CDHR3: variants seen among roughly 807,000 people sequenced by gnomAD.
CDHR3 encodes the protein cadherin related family member 3, also known as cadherin-related family member 3.
A neutral mutation model predicts 86.6 loss-of-function variants in CDHR3; 79 were observed. The ratio of observed to expected loss-of-function variants is 0.91; its 90% CI spans 0.76 to 1.10. The LOEUF is 1.10. Ranked by LOEUF, CDHR3 falls within the 50% of genes least tolerant of loss-of-function variation. The pLI is 0.00. For synonymous variants in CDHR3, 421 were observed against 402.4 expected, an observed-to-expected ratio of 1.05 and a Z score of -0.55; for missense variants, 1,081 against 1,077.6, an observed-to-expected ratio of 1.00 and a Z score of -0.04.
intron 3 of CDHR3, among the ~76,000 whole-genome samples, chr7:105,981,556 A>G (rs1829736676): frequency 1.3e-5 from 2 of 152,170 alleles, no homozygotes; most frequent in Admixed American, 1.3e-4. Context: ...GGACCAGAGC[A>G]CACAGTAACT....
Position 106,035,955 on chromosome 7 carries a change from A to G in CDHR3, c.*3258A>G, listed in dbSNP as rs1203371293. 1 of 152,204 alleles carries G rather than the reference A, an allele frequency of 6.6e-6. No individual in the cohort carries two copies. Among genetic ancestry groups the G allele is most frequent in the Non-Finnish European group, 1.5e-5 (1 of 68,032 alleles). 9.4% of individuals were successfully genotyped at this position (152,204 alleles called of 1,614,324 possible). On this transcript the variant is annotated 3_prime_UTR_variant, in exon 19 of 19. Transcript: ENST00000317716. ...GACAGCAACCGTCGTGGATTTGGTG[A>G]AAGTTTTCTCCCATCTCCCTCTCAA... is the stretch of plus-strand genomic sequence containing the variant.
At chr7:106,008,486 C>CATAG (rs987498913) in intron 8 of CDHR3, among the ~76,000 whole-genome samples, 3 of 152,192 alleles carry the variant, frequency 2.0e-5, no homozygotes, top group African/African-American at 7.2e-5. Flanking sequence ...GCACCTTCTT[C>CATAG]ATAGTCCCTT....
rs1352332398 is a variant in CDHR3, at chr7:106,004,493, C to T, written c.863-5C>T. 3 of 1,612,926 alleles carry T rather than the reference C, an allele frequency of 1.9e-6. No individual in the cohort carries two copies. In the South Asian group the frequency reaches 3.3e-5, roughly 18 times the overall value. On this transcript the variant is annotated splice_polypyrimidine_tract_variant and splice_region_variant and intron_variant, in intron 7 of 18. Transcript: ENST00000317716. ...AGGGTCACGTTCTAACCTTTGCTTT[C>T]TCAGTGACTGGTACAATCCAAGTGG...
At chr7:105,997,962 C>T (rs1019128201) in intron 6 of CDHR3, among the ~76,000 whole-genome samples, 5 of 151,284 alleles carry the variant, frequency 3.3e-5, no homozygotes, top group East Asian at 1.9e-4. Context: ...TTAAGTCAGT[C>T]GACTTTATTT....
chr7:106,006,108 G>C (rs953534958), intron 8 of CDHR3, among the ~76,000 whole-genome samples: 1 of 152,178 alleles, frequency 6.6e-6, no homozygotes, highest in Non-Finnish European at 1.5e-5. Context: ...GATAGAGCTT[G>C]TGTAGGGAAA....
intron 18 of CDHR3, among the ~76,000 whole-genome samples, chr7:106,031,277 C>T (rs1368355118): frequency 6.6e-6 from 1 of 152,150 alleles, no homozygotes; most frequent in Non-Finnish European, 1.5e-5. Flanking sequence ...AGAGAAATGG[C>T]AAGTGTAGTT....
At position 106,035,796 on chromosome 7, in the gene CDHR3, C is replaced by G. The variant is rs117616331; in HGVS notation, c.*3099C>G. On this transcript the variant is annotated 3_prime_UTR_variant, in exon 19 of 19. Transcript: ENST00000317716. ...CATCTGATTGGTTGCAAAAAGCAACCAATCAGAGGCTAAGGTGAAGTTACA... is the reference window on the plus strand; with the variant it reads ...CATCTGATTGGTTGCAAAAAGCAACGAATCAGAGGCTAAGGTGAAGTTACA... The G allele has an allele frequency of 1.3e-5, 2 of 152,078 alleles. No homozygotes were observed. The highest frequency in any genetic ancestry group is 2.9e-5 in the Non-Finnish European group (2 of 68,024). 9.4% of individuals were successfully genotyped at this position (152,078 alleles called of 1,614,324 possible).
intron 6 of CDHR3, among the ~76,000 whole-genome samples, chr7:105,997,813 G>GAA (rs1157875824): frequency 1.3e-5 from 2 of 152,084 alleles, no homozygotes; most frequent in East Asian, 3.9e-4. Flanking sequence ...GAGAGAGAGA[G>GAA]AACATGACCC....
chr7:105,970,896 CT>C (rs1318950150), intron 1 of CDHR3, among the ~76,000 whole-genome samples: 1 of 152,054 alleles, frequency 6.6e-6, no homozygotes, highest in Non-Finnish European at 1.5e-5. Context: ...ATCCCCAGCA[CT>C]TTGGGAGGCC....
intron 7 of CDHR3, among the ~76,000 whole-genome samples, chr7:106,002,955 G>A (rs894333621): frequency 6.6e-6 from 1 of 151,770 alleles, no homozygotes; most frequent in East Asian, 1.9e-4. Flanking sequence ...GCAACGTAGT[G>A]AAACCCTGTC....
chr7:106,028,435 G>T lies in CDHR3; in HGVS notation c.2273-116G>T, dbSNP rs149521684. The T allele has an allele frequency of 0.012, 13,461 of 1,119,514 alleles. 113 individuals carry two copies. Among genetic ancestry groups the T allele is most frequent in the African/African-American group, 0.024 (1,571 of 65,196 alleles). The allele number at this position is 1,119,514 out of a possible 1,614,324, so 69.3% of individuals were successfully genotyped here. ...TCTATAGACAGAACAATTCTTTGCT[G>T]TGTCTGCAAGACTGAGATCGAAGCC... On this transcript the variant is annotated intron_variant, in intron 16 of 18. Coordinates refer to ENST00000317716, the MANE Select transcript of CDHR3 (RefSeq NM_152750.5).
intron 6 of CDHR3, among the ~76,000 whole-genome samples, chr7:106,000,922 AG>A (rs1563267867): frequency 3.0e-5 from 2 of 65,972 alleles, no homozygotes; most frequent in Non-Finnish European, 7.9e-5. Flanking sequence ...AAAAAAGACA[AG>A]GAAGAAAAAA....
At chr7:105,969,119 G>C (rs977363586) in intron 1 of CDHR3, among the ~76,000 whole-genome samples, 31 of 124,232 alleles carry the variant, frequency 2.5e-4, no homozygotes, top group African/African-American at 8.3e-4. Context: ...AAAGTGGGCC[G>C]GGCGTGGTGG....
At chr7:105,996,977 G>A (rs1007488216) in intron 6 of CDHR3, among the ~76,000 whole-genome samples, 1 of 152,036 alleles carries the variant, frequency 6.6e-6, no homozygotes, top group Non-Finnish European at 1.5e-5. Context: ...TTGTAGATGG[G>A]GATTTAGGAG....
chr7:106,000,026 G>A (rs1832893222), intron 6 of CDHR3, among the ~76,000 whole-genome samples: 1 of 152,262 alleles, frequency 6.6e-6, no homozygotes, highest in East Asian at 1.9e-4. Flanking sequence ...CAGCCTGGGG[G>A]CGCTGGGGCC....
intron 15 of CDHR3, among the ~76,000 whole-genome samples, chr7:106,026,255 C>T (rs1837330122): frequency 6.6e-6 from 1 of 152,058 alleles, no homozygotes; most frequent in Admixed American, 6.6e-5. Flanking sequence ...CTTCATGTGA[C>T]AGGAAACCAA....
At chr7:105,995,369 A>G (rs1047574220) in intron 5 of CDHR3, among the ~76,000 whole-genome samples, 3 of 149,900 alleles carry the variant, frequency 2.0e-5, no homozygotes, top group Admixed American at 1.3e-4. Context: ...AAACAAAGTA[A>G]CATTTAACAT....
At chr7:105,974,686 C>T (rs1828521776) in intron 1 of CDHR3, among the ~76,000 whole-genome samples, 158 bp from the exon 2 acceptor site, 2 of 152,174 alleles carry the variant, frequency 1.3e-5, no homozygotes, top group Admixed American at 6.5e-5. Context: ...CTCACATATA[C>T]ATTGCCAGCA....
intron 1 of CDHR3, among the ~76,000 whole-genome samples, chr7:105,964,326 A>T (rs915452254): frequency 5.3e-5 from 8 of 152,036 alleles, no homozygotes; most frequent in Non-Finnish European, 1.2e-4. Context: ...TTATTGTATG[A>T]TGTATGGAAA....
Sources: gnomAD v4.1 joint callset for allele counts (sites outside exome capture counted in the v4.1 genomes callset) on GRCh38, gnomAD v4.1.1 for gene constraint, MANE v1.5 for transcripts, NCBI Gene and HGNC (gene_info 2026-07-23, HGNC 2026-07-21) for gene names.